The following ZNF836 variants were observed in gnomAD, a reference collection of about 807,000 sequenced individuals.
ZNF836 encodes zinc finger protein 836.
ZNF836 carries 12 observed loss-of-function variants against 7.4 expected under a neutral mutation model. That is an observed-to-expected ratio of 1.61 (90% CI 1.03 to 2.61). The LOEUF is 2.61. Ranked by LOEUF, ZNF836 falls within the 30% of genes most tolerant of loss-of-function variation. The pLI is 0.00. For missense variants in ZNF836, 998 were observed against 1,126.2 expected (o/e 0.89, Z 1.63); for synonymous variants, 365 against 382.6 (o/e 0.95, Z 0.54).
Position 52,156,528 on chromosome 19 carries a change from T to C in ZNF836, c.1155A>G (p.Pro385=), listed in dbSNP as rs559336124. Residue 385 remains proline (P), a synonymous_variant, in exon 5 of 5, where the codon CCA becomes CCG. Coordinates refer to ENST00000682614, the MANE Select transcript of ZNF836 (RefSeq NM_001102657.3). The part of the protein sequence containing the change: ...NHQRIHTGEK[P]YKCNICGKSF... ...ACTTTCCACATATGTTGCATTTGTA[T>C]GGTTTCTCTCCAGTGTGGATTCTCT... 5.6e-6 allele frequency: 9 copies of C among 1,613,628 alleles called. No individual in the cohort carries two copies. The highest frequency in any genetic ancestry group is 6.8e-6 in the Non-Finnish European group (8 of 1,179,926).
At position 52,154,750 on chromosome 19, in the gene ZNF836, A is replaced by T. The variant is rs1400430704; in HGVS notation, c.*122T>A. The T allele has an allele frequency of 1.1e-6, 1 of 889,740 alleles. No homozygotes were observed. The highest frequency in any genetic ancestry group is 1.6e-6 in the Non-Finnish European group (1 of 611,186). The allele number at this position is 889,740 out of a possible 1,614,324, so 55.1% of individuals were successfully genotyped here. On this transcript the variant is annotated 3_prime_UTR_variant, in exon 5 of 5. Coordinates refer to ENST00000682614, the MANE Select transcript of ZNF836 (RefSeq NM_001102657.3). ...CGGGTGGTGCTAAACCATTCTTGAG[A>T]AATCCACCCCTGTGATCCAATCATC...
intron 3 of ZNF836, among the ~76,000 whole-genome samples, chr19:52,160,979 G>A (rs1245077594): frequency 6.6e-6 from 1 of 152,216 alleles, no homozygotes; most frequent in Non-Finnish European, 1.5e-5. Context: ...ACTAAAAACT[G>A]TGATGACCAC....
chr19:52,160,668 T>C, intron 3 of ZNF836, 77 bp from the exon 4 acceptor site: 1 of 1,488,110 alleles, frequency 6.7e-7, no homozygotes, highest in Non-Finnish European at 9.0e-7. Flanking sequence ...AGGAGAGAAC[T>C]GTCACATCAA....
At position 52,160,572 on chromosome 19, in the gene ZNF836, TC is replaced by T. The variant is rs1342819246; in HGVS notation, c.34del (p.Asp12MetfsTer2). ...ALTQGPLTFR[D>X]VAIEFSQEEW... ...CTCCTGAGAGAATTCTATGGCTACA[TC>T]CCTGAATGTCAAAGGTCCCTGAAAT... On this transcript the variant is annotated frameshift_variant, in exon 4 of 5. Transcript: ENST00000682614. LOFTEE classifies it high-confidence loss of function. 1.2e-6 allele frequency: 2 copies of T among 1,609,582 alleles called. No homozygotes were observed. The highest frequency in any genetic ancestry group is 4.5e-5 in the East Asian group (2 of 44,852).
chr19:52,167,686 T>TTAATATGTGAC (rs2089277835), intron 3 of ZNF836, among the ~76,000 whole-genome samples: 2 of 152,136 alleles, frequency 1.3e-5, no homozygotes, highest in Middle Eastern at 6.8e-3. Context: ...ATCGTGCACA[T>TTAATATGTGAC]TAATATGTGA....
intron 2 of ZNF836, among the ~76,000 whole-genome samples, chr19:52,169,264 C>T (rs1215624840): frequency 4.6e-5 from 7 of 152,152 alleles, no homozygotes; most frequent in African/African-American, 1.7e-4. Flanking sequence ...TCCAAAATAA[C>T]GATGAATTAA....
At chr19:52,166,597 G>A (rs1373195953) in intron 3 of ZNF836, among the ~76,000 whole-genome samples, 9 of 130,608 alleles carry the variant, frequency 6.9e-5, no homozygotes, top group African/African-American at 2.0e-4. Flanking sequence ...TTTTTGAGAC[G>A]GAGTCTCGCT....
rs748209322 is a variant in ZNF836, at chr19:52,155,608, T to C, written c.2075A>G (p.Lys692Arg). The change falls in exon 5 of 5, where the codon AAA (lysine) becomes AGA (arginine). Residue 692 changes from lysine (K) to arginine (R), a missense_variant. By Grantham distance (26) the Lys-to-Arg change is conservative (BLOSUM62 2). Coordinates refer to ENST00000682614, the MANE Select transcript of ZNF836 (RefSeq NM_001102657.3). Reference sequence around the variant, plus strand: ...TCCAAACTCATTACAATTGTAAGGTTTCTCTCCAGTATGAATTATCAGATG... The same window carrying C: ...TCCAAACTCATTACAATTGTAAGGTCTCTCTCCAGTATGAATTATCAGATG... Reference protein sequence around the residue: ...TKHLIIHTGEKPYNCNEFGGA... With the variant: ...TKHLIIHTGERPYNCNEFGGA... The C allele has an allele frequency of 6.2e-6, 10 of 1,614,062 alleles. No individual in the cohort carries two copies. Among genetic ancestry groups the C allele is most frequent in the Non-Finnish European group, 7.6e-6 (9 of 1,179,958 alleles).
rs748081261 is a variant in ZNF836, at chr19:52,156,853, C to A, written c.830G>T (p.Gly277Val). The A allele has an allele frequency of 1.2e-6, 2 of 1,614,060 alleles. No homozygotes were observed. Among genetic ancestry groups the A allele is most frequent in the Non-Finnish European group, 1.7e-6 (2 of 1,180,052 alleles). The change falls in exon 5 of 5, where the codon GGT becomes GTT. Residue 277 changes from glycine (G) to valine (V), a missense_variant. By Grantham distance (109) the Gly-to-Val change is moderately radical. Transcript: ENST00000682614. ...VHTRGKPYQCGVCGKIFRQNS... is the reference protein window; with the variant it reads ...VHTRGKPYQCVVCGKIFRQNS... ...TTGTCTGAAGATCTTGCCACATACA[C>A]CACATTGATATGGCTTCCCCCTTGT...
intron 3 of ZNF836, 78 bp downstream of exon 3, chr19:52,167,980 A>G: frequency 9.1e-7 from 1 of 1,104,938 alleles, no homozygotes; most frequent in Admixed American, 1.8e-5. Flanking sequence ...CTTCAGACTC[A>G]GAGGAGATTC....
In ZNF836 at chr19:52,171,403, A is replaced by T. The variant is rs2089306926; in HGVS notation, c.-282T>A. ...GATCCCCAGGAAACGGGTATGGACA[A>T]GGGAAGACTGCCAAGTGCACGTTCG... On this transcript the variant is annotated 5_prime_UTR_variant, in exon 1 of 5. It adds an upstream start codon to the 5' untranslated region. Coordinates refer to ENST00000682614, the MANE Select transcript of ZNF836 (RefSeq NM_001102657.3). 6.6e-6 allele frequency: 1 copy of T among 152,314 alleles called. No individual in the cohort carries two copies. The highest frequency in any genetic ancestry group is 6.5e-5 in the Admixed American group (1 of 15,280). 9.4% of individuals were successfully genotyped at this position (152,314 alleles called of 1,614,324 possible).
Position 52,161,425 on chromosome 19 carries a change from T to C in ZNF836, c.16-834A>G. On this transcript the variant is annotated intron_variant, in intron 3 of 4. Coordinates refer to ENST00000682614, the MANE Select transcript of ZNF836 (RefSeq NM_001102657.3). This position sits in a 1 kb window ranked among gnomAD's most constrained non-coding sequence, Gnocchi z 4.1. ...GATCCTCGCTTCCAAGATGGTCTTG[T>C]TGCTGCACAGGGGACGAATGCTGTT... Among the ~76,000 whole-genome samples the C allele has an allele frequency of 6.7e-6, 1 of 148,246 alleles. No homozygotes were observed.
chr19:52,166,652 C>A (rs898066856), intron 3 of ZNF836, among the ~76,000 whole-genome samples: 4 of 149,910 alleles, frequency 2.7e-5, no homozygotes, highest in African/African-American at 9.8e-5. Context: ...CGGCTCACTG[C>A]AAGCTCCACC....
At chr19:52,162,973 C>G (rs535667274) in intron 3 of ZNF836, among the ~76,000 whole-genome samples, 31 of 152,248 alleles carry the variant, frequency 2.0e-4, no homozygotes, top group Non-Finnish European at 3.8e-4. Flanking sequence ...GTGGCTGGTC[C>G]GCACCTGGCC....
chr19:52,158,876 A>G (rs192613990), intron 4 of ZNF836, among the ~76,000 whole-genome samples: 20 of 152,316 alleles, frequency 1.3e-4, no homozygotes, highest in African/African-American at 4.6e-4. Context: ...CTAATCCTCA[A>G]TGTAATATTA....
chr19:52,167,112 C>T (rs1461537009), intron 3 of ZNF836, among the ~76,000 whole-genome samples: 1 of 151,832 alleles, frequency 6.6e-6, no homozygotes, highest in African/African-American at 2.4e-5. Context: ...ACACCGCAGT[C>T]TCTGTGGGAC....
At position 52,154,833 on chromosome 19, in the gene ZNF836, G is replaced by A. The variant is rs374490605; in HGVS notation, c.*39C>T. On this transcript the variant is annotated 3_prime_UTR_variant, in exon 5 of 5. Transcript: ENST00000682614. The stretch of plus-strand genomic sequence containing the variant: ...TAAAATTCCACATGAGATTTCAGAC[G>A]GAAGTGACAAATATACAAGCTATAT... 2.8e-5 allele frequency: 41 copies of A among 1,440,616 alleles called. No individual in the cohort carries two copies. The African/African-American group carries it at 4.0e-4, about 14-fold the overall frequency. The allele number at this position is 1,440,616 out of a possible 1,614,324, so 89.2% of individuals were successfully genotyped here.
chr19:52,156,597 T>C lies in ZNF836; in HGVS notation c.1086A>G (p.Ile362Met). 1 of 1,613,536 alleles carries C rather than the reference T, an allele frequency of 6.2e-7. No homozygotes were observed. The highest frequency in any genetic ancestry group is 8.5e-7 in the Non-Finnish European group (1 of 1,179,578). ...AATTCTGCCTGAAGACCTTGCCACA[T>C]ATATCACATTGATATGGTTTCTCTC... ...HTGEKPYQCD[I>M]CGKVFRQNSN... The change falls in exon 5 of 5, where the codon ATA becomes ATG. Residue 362 changes from isoleucine (I) to methionine (M), a missense_variant. Ile to Met is a conservative substitution (Grantham distance 10, BLOSUM62 1). Transcript: ENST00000682614.
intron 3 of ZNF836, among the ~76,000 whole-genome samples, chr19:52,164,553 C>G (rs964967004): frequency 6.6e-6 from 1 of 151,602 alleles, no homozygotes; most frequent in African/African-American, 2.4e-5. Flanking sequence ...GAAATAGTCA[C>G]TAGATGAGTT....
Sources: allele counts gnomAD v4.1 joint callset (sites outside exome capture counted in the v4.1 genomes callset), GRCh38; gene constraint gnomAD v4.1.1; non-coding constraint Gnocchi (gnomAD v3.1); transcripts MANE v1.5; gene names NCBI Gene and HGNC (gene_info 2026-07-23, HGNC 2026-07-21).